Variants in PTPRG observed in about 807,000 individuals in gnomAD.
PTPRG encodes the protein protein tyrosine phosphatase receptor type G, also known as receptor-type tyrosine-protein phosphatase gamma.
In PTPRG, 102 loss-of-function variants were observed where a neutral mutation model predicts 165.3. That is an observed-to-expected ratio of 0.62 (90% confidence interval 0.53 to 0.73). The LOEUF is 0.73. Among genes scored for constraint, PTPRG ranks in the 30% least tolerant of loss-of-function variants. The pLI is 0.00. For missense variants in PTPRG, 1,866 were observed against 1,861.4 expected, an observed-to-expected ratio of 1.00 and a Z score of -0.05; for synonymous variants, 675 against 669.5, an observed-to-expected ratio of 1.01 and a Z score of -0.13.
At chr3:62,004,872 A>G (rs1344211446) in intron 4 of PTPRG, among the ~76,000 whole-genome samples, 1 of 152,200 alleles carries the variant, frequency 6.6e-6, no homozygotes, top group Non-Finnish European at 1.5e-5. Flanking sequence ...TGAATTCTTG[A>G]GACCCCCTTC....
At chr3:61,908,174 C>G (rs1347134027) in intron 2 of PTPRG, among the ~76,000 whole-genome samples, 1 of 145,888 alleles carries the variant, frequency 6.9e-6, no homozygotes, top group Non-Finnish European at 1.5e-5. Context: ...GCCTGTAATC[C>G]TAGCACTTTG....
Position 61,705,986 on chromosome 3 carries a change from A to C in PTPRG, c.86-42892A>C, listed in dbSNP as rs143800493. ...TCTTGTTTCATATTGTTCTGTTTTC[A>C]TGTGCCCTAAGGGACAGTTATGTTG... On this transcript the variant is annotated intron_variant, in intron 1 of 29. Coordinates refer to ENST00000474889, the MANE Select transcript of PTPRG (RefSeq NM_002841.4). Among the ~76,000 whole-genome samples the C allele has an allele frequency of 2.0e-4, 30 of 152,210 alleles. No individual in the cohort carries two copies. The East Asian group carries it at 5.8e-3, about 29-fold the overall frequency.
intron 2 of PTPRG, among the ~76,000 whole-genome samples, chr3:61,803,825 C>T (rs1000182051): frequency 3.9e-5 from 6 of 152,018 alleles, no homozygotes; most frequent in Non-Finnish European, 7.3e-5. Flanking sequence ...GAATAATTAC[C>T]AAGTATTTGG....
chr3:61,686,048 A>G (rs1040903376), intron 1 of PTPRG, among the ~76,000 whole-genome samples: 5 of 152,170 alleles, frequency 3.3e-5, no homozygotes, highest in African/African-American at 9.6e-5. Context: ...CACCGTGAGG[A>G]GCACTTGGTG....
At chr3:61,730,348 A>G (rs2032444337) in intron 1 of PTPRG, among the ~76,000 whole-genome samples, 1 of 152,234 alleles carries the variant, frequency 6.6e-6, no homozygotes, top group African/African-American at 2.4e-5. Context: ...CCAGGAAGAA[A>G]TGCAAAACAC....
At chr3:61,689,747 A>G (rs903919173) in intron 1 of PTPRG, among the ~76,000 whole-genome samples, 2 of 152,240 alleles carry the variant, frequency 1.3e-5, no homozygotes, top group African/African-American at 2.4e-5. Context: ...CTCCCCAAAA[A>G]TGGAGGGGGA....
At chr3:61,578,838 C>G (rs924338849) in intron 1 of PTPRG, among the ~76,000 whole-genome samples, 5 of 152,188 alleles carry the variant, frequency 3.3e-5, no homozygotes, top group African/African-American at 1.2e-4. Context: ...TGAGGTTCCC[C>G]CGATGGAAAT....
chr3:62,283,209 C>A (rs1702518087), intron 28 of PTPRG, among the ~76,000 whole-genome samples: 1 of 152,038 alleles, frequency 6.6e-6, no homozygotes, highest in African/African-American at 2.4e-5. Flanking sequence ...TAATTAAATA[C>A]TTTTTAAAAA....
chr3:61,874,205 A>T (rs2107452417), intron 2 of PTPRG, among the ~76,000 whole-genome samples: 1 of 152,240 alleles, frequency 6.6e-6, no homozygotes, highest in East Asian at 1.9e-4. Flanking sequence ...ATCAGCATGC[A>T]CTACCCCTGT....
chr3:61,907,176 ATAT>A (rs927733567), intron 2 of PTPRG, among the ~76,000 whole-genome samples: 11 of 152,000 alleles, frequency 7.2e-5, no homozygotes, highest in African/African-American at 2.4e-4. Flanking sequence ...GTCATAGTAA[ATAT>A]TTATTATAGA....
intron 4 of PTPRG, among the ~76,000 whole-genome samples, chr3:62,016,022 T>C (rs1441028952): frequency 6.6e-6 from 1 of 152,060 alleles, no homozygotes; most frequent in Non-Finnish European, 1.5e-5. Flanking sequence ...CACTGCATAA[T>C]ATGTTATATA....
At chr3:62,089,358 T>TC (rs201578482) in intron 5 of PTPRG, among the ~76,000 whole-genome samples, 2,249 of 152,344 alleles carry the variant, frequency 0.015, 27 homozygotes, top group Middle Eastern at 0.024. Flanking sequence ...TTTATGATTT[T>TC]CCCCATGTTC....
At chr3:62,267,354 G>A in intron 17 of PTPRG, 56 bp from the exon 18 acceptor site, 6 of 1,291,542 alleles carry the variant, frequency 4.6e-6, no homozygotes, top group Non-Finnish European at 3.3e-6. Flanking sequence ...CTTTAGAATG[G>A]TGCTAGTTTC....
At chr3:61,566,957 A>G (rs1699928645) in intron 1 of PTPRG, among the ~76,000 whole-genome samples, 1 of 152,204 alleles carries the variant, frequency 6.6e-6, no homozygotes, top group African/African-American at 2.4e-5. Flanking sequence ...TGTAGTTAAT[A>G]CTGTCATCCT....
At chr3:61,647,791 C>CAAAAAAAAAAAAAAAAAAAAA (rs58020589) in intron 1 of PTPRG, among the ~76,000 whole-genome samples, 2 of 93,156 alleles carry the variant, frequency 2.1e-5, no homozygotes, top group Admixed American at 1.3e-4. Flanking sequence ...GACTCCGTCT[C>CAAAAAAAAAAAAAAAAAAAAA]AAAAAAAAAA....
At chr3:61,762,823 C>A (rs1451755711) in intron 2 of PTPRG, among the ~76,000 whole-genome samples, 1 of 152,094 alleles carries the variant, frequency 6.6e-6, no homozygotes, top group Non-Finnish European at 1.5e-5. Context: ...CACCTCTGGG[C>A]AGCACCTTTG....
chr3:62,029,010 A>G (rs1011856033), intron 4 of PTPRG, among the ~76,000 whole-genome samples: 5 of 152,182 alleles, frequency 3.3e-5, no homozygotes, highest in East Asian at 3.9e-4. Flanking sequence ...GTCCAGTCCA[A>G]TTGGCTATGG....
At chr3:61,810,931 A>C (rs539148970) in intron 2 of PTPRG, among the ~76,000 whole-genome samples, 1 of 152,176 alleles carries the variant, frequency 6.6e-6, no homozygotes, top group Admixed American at 6.5e-5. Context: ...CTGCCAGCCA[A>C]TGAGGGTTCC....
chr3:61,885,834 C>G (rs928170649), intron 2 of PTPRG, among the ~76,000 whole-genome samples: 9 of 148,580 alleles, frequency 6.1e-5, no homozygotes, highest in African/African-American at 2.2e-4. Context: ...GCATGTGTCA[C>G]CTCACCTTTC....
Sources: allele counts gnomAD v4.1 joint callset (sites outside exome capture counted in the v4.1 genomes callset), GRCh38; gene constraint gnomAD v4.1.1; transcripts MANE v1.5; gene names NCBI Gene and HGNC (gene_info 2026-07-23, HGNC 2026-07-21).